Variants in PDGFC observed in about 807,000 individuals in gnomAD.
The protein encoded by PDGFC is platelet derived growth factor C, also known as platelet-derived growth factor C.
A neutral mutation model predicts 35.5 loss-of-function variants in PDGFC; 12 were observed. The ratio of observed to expected loss-of-function variants is 0.34; its 90% confidence interval spans 0.22 to 0.55. PDGFC has a LOEUF of 0.55. Ranked by LOEUF, PDGFC falls within the 20% of genes least tolerant of loss-of-function variation. The probability of loss-of-function intolerance (pLI) is 0.91; values close to 1 mark genes in which losing one functional copy is unlikely to be tolerated. For synonymous variants in PDGFC, 159 were observed against 148.8 expected, an observed-to-expected ratio of 1.07 and a Z score of -0.50; for missense variants, 322 against 412.4, an observed-to-expected ratio of 0.78 and a Z score of 1.90.
At chr4:156,834,980 A>G (rs1186243214) in intron 2 of PDGFC, among the ~76,000 whole-genome samples, 1 of 152,090 alleles carries the variant, frequency 6.6e-6, no homozygotes, top group Non-Finnish European at 1.5e-5. Context: ...AATTTTTGCC[A>G]TATTATATTT....
intron 1 of PDGFC, among the ~76,000 whole-genome samples, chr4:156,856,913 G>A (rs1729597096): frequency 6.6e-6 from 1 of 151,964 alleles, no homozygotes; most frequent in Non-Finnish European, 1.5e-5. Flanking sequence ...ATTGAGATCT[G>A]CCATTTTCTT....
At chr4:156,939,101 C>T (rs529024172) in intron 1 of PDGFC, among the ~76,000 whole-genome samples, 118 of 151,962 alleles carry the variant, frequency 7.8e-4, no homozygotes, top group African/African-American at 2.7e-3. Context: ...TCTCTCTCAG[C>T]CTTAAGATGA....
chr4:156,903,104 A>AGTGTGTGT lies in PDGFC; in HGVS notation c.119-52696_119-52689dup, dbSNP rs10684023. ...AGGACAAAGAGAGAGAGAGAGAGAG[A>AGTGTGTGT]GTGTGTGTGTGTGTGTGTGTGTGTG... On this transcript the variant is annotated intron_variant, in intron 1 of 5. Coordinates refer to ENST00000502773, the MANE Select transcript of PDGFC (RefSeq NM_016205.3). Among the ~76,000 whole-genome samples, 1,171 of 130,732 alleles carry AGTGTGTGT rather than the reference A, an allele frequency of 9.0e-3. 8 individuals are homozygous for AGTGTGTGT. The highest frequency in any genetic ancestry group is 0.017 in the African/African-American group (590 of 35,740). The allele number at this position is 130,732 out of a possible 152,430, so 85.8% of individuals were successfully genotyped here.
chr4:156,864,892 A>G (rs1729799033), intron 1 of PDGFC, among the ~76,000 whole-genome samples: 1 of 152,154 alleles, frequency 6.6e-6, no homozygotes, highest in Admixed American at 6.5e-5. Flanking sequence ...CTTAAAAACC[A>G]AAGTTACGTT....
rs368455130 is a variant in PDGFC, at chr4:156,772,647, G to T, written c.703+39C>A. The T allele has an allele frequency of 4.2e-5, 58 of 1,368,514 alleles. No homozygotes were observed. In the African/African-American group the frequency reaches 6.3e-4, roughly 15 times the overall value. The allele number at this position is 1,368,514 out of a possible 1,614,324, so 84.8% of individuals were successfully genotyped here. A position where few individuals can be genotyped will look rare whatever the true frequency, so the allele number is the denominator to read the frequency against. ...AAGAATCTGAAACATTAGCTGTTAA[G>T]AAAATTAAATGAGGTTCTAATCTGA... On this transcript the variant is annotated intron_variant, in intron 4 of 5. Coordinates refer to ENST00000502773, the MANE Select transcript of PDGFC (RefSeq NM_016205.3).
Position 156,764,805 on chromosome 4 carries a change from T to C in PDGFC, c.922-1599A>G, listed in dbSNP as rs568425281. On this transcript the variant is annotated intron_variant, in intron 5 of 5. Transcript: ENST00000502773. ...AACTACATTTCAGATATTGGCACTA[T>C]TCCTTATCACAGTCTTGCTGCAAAT... Among the ~76,000 whole-genome samples, 12 of 152,334 alleles carry C rather than the reference T, an allele frequency of 7.9e-5. No homozygotes were observed. In the East Asian group the frequency reaches 2.3e-3, roughly 29 times the overall value.
chr4:156,916,717 A>G (rs1473780461), intron 1 of PDGFC, among the ~76,000 whole-genome samples: 1 of 152,204 alleles, frequency 6.6e-6, no homozygotes, highest in Non-Finnish European at 1.5e-5. Context: ...CTATACTGTC[A>G]ATTAATAGGA....
At chr4:156,801,953 C>T (rs1185340469) in intron 3 of PDGFC, among the ~76,000 whole-genome samples, 1 of 152,204 alleles carries the variant, frequency 6.6e-6, no homozygotes, top group African/African-American at 2.4e-5. Flanking sequence ...GCTAGCTACT[C>T]TATGTTCACC....
chr4:156,771,637 A>T (rs144935609), intron 4 of PDGFC, among the ~76,000 whole-genome samples: 9 of 152,290 alleles, frequency 5.9e-5, no homozygotes, highest in African/African-American at 1.9e-4. Context: ...ACCTGCTGAG[A>T]TTAAAGCTCA....
At chr4:156,933,720 T>G (rs1731607175) in intron 1 of PDGFC, among the ~76,000 whole-genome samples, 1 of 152,146 alleles carries the variant, frequency 6.6e-6, no homozygotes, top group African/African-American at 2.4e-5. Context: ...GGGAGGTGAC[T>G]GGATCATAAG....
chr4:156,891,719 G>A (rs1027647750), intron 1 of PDGFC, among the ~76,000 whole-genome samples: 1 of 122,134 alleles, frequency 8.2e-6, no homozygotes, highest in South Asian at 4.1e-4. Context: ...TACAGATTCA[G>A]CTGAACAATA....
intron 3 of PDGFC, among the ~76,000 whole-genome samples, chr4:156,806,499 C>T (rs1343992924): frequency 1.3e-5 from 2 of 150,828 alleles, no homozygotes; most frequent in African/African-American, 4.9e-5. Flanking sequence ...TAATGTTAAC[C>T]AAATTGGAGG....
intron 1 of PDGFC, among the ~76,000 whole-genome samples, chr4:156,896,168 G>C (rs189872568): frequency 1.3e-5 from 2 of 152,166 alleles, no homozygotes; most frequent in African/African-American, 2.4e-5. Flanking sequence ...GAAACATATA[G>C]AGTATAATTT....
intron 1 of PDGFC, among the ~76,000 whole-genome samples, chr4:156,863,081 A>C (rs1486819720): frequency 6.6e-6 from 1 of 152,216 alleles, no homozygotes; most frequent in East Asian, 1.9e-4. Context: ...ACAACAAATA[A>C]AAACTAATTG....
intron 2 of PDGFC, among the ~76,000 whole-genome samples, chr4:156,840,477 G>A (rs1465742885): frequency 6.6e-6 from 1 of 152,214 alleles, no homozygotes; most frequent in Non-Finnish European, 1.5e-5. Flanking sequence ...GGTATCTCCA[G>A]GCAGAAGTCT....
At chr4:156,874,739 C>A (rs1470242733) in intron 1 of PDGFC, among the ~76,000 whole-genome samples, 1 of 150,738 alleles carries the variant, frequency 6.6e-6, no homozygotes, top group African/African-American at 2.4e-5. Flanking sequence ...TTTTTAAATA[C>A]AGGGTCTCAG....
At chr4:156,863,826 A>G (rs183983119) in intron 1 of PDGFC, among the ~76,000 whole-genome samples, 11 of 152,286 alleles carry the variant, frequency 7.2e-5, no homozygotes, top group Admixed American at 6.5e-4. Flanking sequence ...GAGGGTTAAA[A>G]ATATGAAAAA....
In PDGFC at chr4:156,768,006, G is replaced by C; in HGVS notation, c.704-16C>G. On this transcript the variant is annotated splice_polypyrimidine_tract_variant and intron_variant, in intron 4 of 5. Transcript: ENST00000502773. Reference sequence around the variant, plus strand: ...AGATCCACCACTATATGGTATAAAAGAAAGCAAAGAAAAATAGATGTTGAT... The same window carrying C: ...AGATCCACCACTATATGGTATAAAACAAAGCAAAGAAAAATAGATGTTGAT... The C allele has an allele frequency of 6.8e-7, 1 of 1,460,178 alleles. No homozygotes were observed. Among genetic ancestry groups the C allele is most frequent in the South Asian group, 1.2e-5 (1 of 86,350 alleles). The allele number at this position is 1,460,178 out of a possible 1,614,324, so 90.5% of individuals were successfully genotyped here.
At chr4:156,896,866 GAAA>G (rs1730644712) in intron 1 of PDGFC, among the ~76,000 whole-genome samples, 1 of 152,090 alleles carries the variant, frequency 6.6e-6, no homozygotes, top group Non-Finnish European at 1.5e-5. Context: ...ACCACATCTG[GAAA>G]TAGACCCTTT....
Sources: allele counts gnomAD v4.1 joint callset (sites outside exome capture counted in the v4.1 genomes callset), GRCh38; gene constraint gnomAD v4.1.1; transcripts MANE v1.5; gene names NCBI Gene and HGNC (gene_info 2026-07-23, HGNC 2026-07-21).